HEMK2: variants seen among roughly 807,000 people sequenced by gnomAD.
HEMK2 encodes HemK methyltransferase 2, ETF1 glutamine and histone H4 lysine, also known as methyltransferase HEMK2.
chr21:28,621,871 G>C, the HEMK2 span, among the ~76,000 whole-genome samples: 1 of 152,200 alleles, frequency 6.6e-6, no homozygotes, highest in African/African-American at 2.4e-5. Context: ...CTGGGGATAT[G>C]ATGGCTTAGC....
chr21:28,774,550 T>C, the HEMK2 span, among the ~76,000 whole-genome samples: 11 of 152,050 alleles, frequency 7.2e-5, no homozygotes, highest in African/African-American at 2.7e-4. Flanking sequence ...ATCATGCCAC[T>C]GTACTCCAGC....
the HEMK2 span, chr21:28,882,984 C>T: frequency 6.3e-7 from 1 of 1,577,646 alleles, no homozygotes; most frequent in East Asian, 2.3e-5. Context: ...GATATACTTA[C>T]ATGTACAAAG....
At chr21:28,675,372 G>GC in the HEMK2 span, among the ~76,000 whole-genome samples, 1 of 152,192 alleles carries the variant, frequency 6.6e-6, no homozygotes, top group Non-Finnish European at 1.5e-5. Context: ...AGCACAGCCT[G>GC]ACTCATCAAC....
chr21:28,671,466 T>C, the HEMK2 span, among the ~76,000 whole-genome samples: 1 of 152,196 alleles, frequency 6.6e-6, no homozygotes, highest in South Asian at 2.1e-4. Flanking sequence ...TCTTCATATA[T>C]CCAGCCTTAG....
chr21:28,813,254 T>C, the HEMK2 span, among the ~76,000 whole-genome samples: 2 of 152,140 alleles, frequency 1.3e-5, no homozygotes, highest in South Asian at 4.1e-4. Context: ...TTCAGCAAAG[T>C]CTCAGGATAC....
At chr21:28,656,678 C>T in the HEMK2 span, among the ~76,000 whole-genome samples, 14 of 152,152 alleles carry the variant, frequency 9.2e-5, no homozygotes, top group South Asian at 1.5e-3. Context: ...ATCATTTACA[C>T]GACCAAAGAC....
At chr21:28,692,432 T>C in the HEMK2 span, among the ~76,000 whole-genome samples, 2 of 152,082 alleles carry the variant, frequency 1.3e-5, no homozygotes, top group Non-Finnish European at 2.9e-5. Flanking sequence ...CCTAGGAATA[T>C]ATATACTGTA....
the HEMK2 span, among the ~76,000 whole-genome samples, chr21:28,816,611 T>G: frequency 4.6e-5 from 7 of 151,978 alleles, no homozygotes; most frequent in Non-Finnish European, 1.0e-4. Context: ...AGCCCAGGAG[T>G]TGGAGCCCGC....
chr21:28,807,489 T>C, the HEMK2 span, among the ~76,000 whole-genome samples: 1 of 152,172 alleles, frequency 6.6e-6, no homozygotes. Flanking sequence ...TGAACTGCAA[T>C]GCAGTCACCA....
the HEMK2 span, among the ~76,000 whole-genome samples, chr21:28,773,228 T>C: frequency 6.6e-6 from 1 of 152,154 alleles, no homozygotes; most frequent in Admixed American, 6.5e-5. Flanking sequence ...AGTAGGTGAA[T>C]AATGCACTGA....
the HEMK2 span, among the ~76,000 whole-genome samples, chr21:28,584,873 T>C: frequency 3.3e-5 from 5 of 151,924 alleles, no homozygotes; most frequent in African/African-American, 1.2e-4. Context: ...AACTAAGTCA[T>C]CTACCATGAC....
chr21:28,615,254 T>G, the HEMK2 span, among the ~76,000 whole-genome samples: 1 of 152,142 alleles, frequency 6.6e-6, no homozygotes, highest in Non-Finnish European at 1.5e-5. Flanking sequence ...AAGAAAGGAA[T>G]AAGAAAGAAA....
the HEMK2 span, among the ~76,000 whole-genome samples, chr21:28,608,435 G>GGA: frequency 6.6e-6 from 1 of 151,338 alleles, no homozygotes; most frequent in African/African-American, 2.4e-5. Flanking sequence ...ATGGCTGATA[G>GGA]GAGGTAGGAC....
At chr21:28,722,943 ACT>A in the HEMK2 span, among the ~76,000 whole-genome samples, 1 of 150,842 alleles carries the variant, frequency 6.6e-6, no homozygotes, top group South Asian at 2.1e-4. Flanking sequence ...GAGGAGCCTG[ACT>A]CTCTTTTATA....
chr21:28,864,554 A>G, the HEMK2 span, among the ~76,000 whole-genome samples: 1 of 152,200 alleles, frequency 6.6e-6, no homozygotes, highest in Admixed American at 6.5e-5. Flanking sequence ...TCCTATTTCA[A>G]TAACTCTAGT....
At chr21:28,782,560 A>G in the HEMK2 span, among the ~76,000 whole-genome samples, 12 of 152,238 alleles carry the variant, frequency 7.9e-5, no homozygotes, top group African/African-American at 2.9e-4. Context: ...GGAGACACGA[A>G]TAATCAAAAA....
chr21:28,782,275 C>T, the HEMK2 span, among the ~76,000 whole-genome samples: 18 of 152,256 alleles, frequency 1.2e-4, no homozygotes, highest in East Asian at 2.5e-3. Flanking sequence ...TCACCTAATA[C>T]TATAATATAC....
the HEMK2 span, among the ~76,000 whole-genome samples, chr21:28,807,045 G>A: frequency 4.6e-5 from 7 of 152,202 alleles, no homozygotes; most frequent in African/African-American, 1.7e-4. Flanking sequence ...TCCTGCTTAA[G>A]TGAATTTATT....
At chr21:28,667,596 C>T in the HEMK2 span, among the ~76,000 whole-genome samples, 1 of 151,086 alleles carries the variant, frequency 6.6e-6, no homozygotes, top group East Asian at 2.0e-4. Context: ...TCATTGCATG[C>T]CTCTATCAAA....
Sources: allele counts gnomAD v4.1 joint callset (sites outside exome capture counted in the v4.1 genomes callset), GRCh38; gene constraint gnomAD v4.1.1; transcripts MANE v1.5; gene names NCBI Gene and HGNC (gene_info 2026-07-23, HGNC 2026-07-21).